Variants in UNC13C observed in about 807,000 individuals in gnomAD.
UNC13C encodes protein unc-13 homolog C.
A neutral mutation model predicts 245.4 loss-of-function variants in UNC13C; 174 were observed. The observed-to-expected ratio is 0.71, with a 90% CI of 0.63 to 0.80. The LOEUF (loss-of-function observed/expected upper bound fraction) is 0.80, where lower values mean the gene tolerates loss of function less well. Among genes scored for constraint, UNC13C ranks in the 30% least tolerant of loss-of-function variants. UNC13C has a pLI of 0.00. For synonymous variants in UNC13C, 992 were observed against 895.1 expected (o/e 1.11, Z -1.93); for missense variants, 2,829 against 2,602.9 (o/e 1.09, Z -1.89).
At chr15:54,629,875 G>A (rs1335257000), downstream of UNC13C, 1 of 152,132 alleles carries the variant, frequency 6.6e-6, no homozygotes, top group Non-Finnish European at 1.5e-5. Flanking sequence ...TAGTGGCAGG[G>A]TGAATTAAGT....
chr15:54,104,450 T>G (rs896475344), intron 2 of UNC13C, among the ~76,000 whole-genome samples: 7 of 152,162 alleles, frequency 4.6e-5, no homozygotes, highest in African/African-American at 1.7e-4. Flanking sequence ...TCTTTGGATT[T>G]CCTTTAAGAT....
chr15:54,142,894 C>G (rs963786113), intron 2 of UNC13C, 124 bp from the exon 3 acceptor site: 1 of 854,798 alleles, frequency 1.2e-6, no homozygotes, highest in East Asian at 2.5e-5. Context: ...AACCTTGAAA[C>G]TCTGTTTATT....
intron 2 of UNC13C, 55 bp downstream of exon 2, chr15:54,015,941 C>A: frequency 7.2e-7 from 1 of 1,395,998 alleles, no homozygotes. Flanking sequence ...CATTGGGTAG[C>A]ACTTCTTTAG....
intron 11 of UNC13C, among the ~76,000 whole-genome samples, chr15:54,295,680 C>CAAAAA (rs34686235): frequency 9.2e-4 from 138 of 149,536 alleles, no homozygotes; most frequent in Middle Eastern, 6.9e-3. Context: ...AGAAGAAGAA[C>CAAAAA]AAAAAGAAAA....
chr15:53,977,533 A>C (rs1204648941), upstream of UNC13C, among the ~76,000 whole-genome samples: 6 of 152,206 alleles, frequency 3.9e-5, no homozygotes, highest in Admixed American at 1.3e-4. Context: ...TCCTGGAAAT[A>C]TCCTTCCATT....
intron 18 of UNC13C, among the ~76,000 whole-genome samples, 170 bp from the exon 19 acceptor site, chr15:54,414,812 G>C (rs989740764): frequency 6.6e-6 from 1 of 151,772 alleles, no homozygotes; most frequent in South Asian, 2.1e-4. Flanking sequence ...TTAAACTCTA[G>C]TGTGTAACAT....
intron 2 of UNC13C, among the ~76,000 whole-genome samples, chr15:54,071,499 G>A (rs1365754592): frequency 6.6e-6 from 1 of 152,026 alleles, no homozygotes. Flanking sequence ...TTTCAAGCAT[G>A]CAGAGGTACC....
chr15:54,370,168 G>A (rs2039457907), intron 17 of UNC13C, among the ~76,000 whole-genome samples: 1 of 152,060 alleles, frequency 6.6e-6, no homozygotes, highest in Non-Finnish European at 1.5e-5. Context: ...CAGATAGGGG[G>A]AAAAAGACAA....
chr15:54,257,282 C>A (rs2036304114), intron 8 of UNC13C, among the ~76,000 whole-genome samples: 1 of 152,088 alleles, frequency 6.6e-6, no homozygotes, highest in Non-Finnish European at 1.5e-5. Context: ...CATTTTGAAT[C>A]ATAATTAATT....
chr15:54,084,302 G>A (rs1899119383), intron 2 of UNC13C, among the ~76,000 whole-genome samples: 1 of 152,190 alleles, frequency 6.6e-6, no homozygotes, highest in South Asian at 2.1e-4. Flanking sequence ...AGTTCCTCGT[G>A]TATAACGGAG....
intron 30 of UNC13C, among the ~76,000 whole-genome samples, chr15:54,587,702 G>A (rs1306970801): frequency 6.6e-6 from 1 of 152,118 alleles, no homozygotes; most frequent in African/African-American, 2.4e-5. Flanking sequence ...AAGGCCAGGT[G>A]AGAATGAGCC....
At chr15:53,946,442 C>CTT in the UNC13C span, among the ~76,000 whole-genome samples, 9 of 68,984 alleles carry the variant, frequency 1.3e-4, 2 homozygotes, top group African/African-American at 1.8e-4. Context: ...CTGAGGTGTT[C>CTT]TTTTTTTTGT....
Position 54,016,363 on chromosome 15 carries a change from A to C in UNC13C, c.2983+477A>C, listed in dbSNP as rs375300437. Among the ~76,000 whole-genome samples the C allele has an allele frequency of 5.9e-5, 9 of 152,220 alleles. No homozygotes were observed. The South Asian group carries it at 1.9e-3, about 32-fold the overall frequency. On this transcript the variant is annotated intron_variant, in intron 2 of 32. Transcript: ENST00000260323. ...TAACCACTCATTTTCCTATCCATTC[A>C]ACAATTTAGGGGTTGCCCATAGGAA...
intron 2 of UNC13C, 44 bp downstream of exon 2, chr15:54,015,930 A>C: frequency 6.9e-7 from 1 of 1,450,876 alleles, no homozygotes; most frequent in Non-Finnish European, 9.2e-7. Context: ...TTGTGTTTTA[A>C]CATTGGGTAG....
intron 7 of UNC13C, among the ~76,000 whole-genome samples, chr15:54,238,326 G>A (rs1020437431): frequency 2.0e-5 from 3 of 152,048 alleles, no homozygotes; most frequent in African/African-American, 7.2e-5. Flanking sequence ...GCCTGCCTTG[G>A]CCTCCCAAAG....
intron 1 of UNC13C, among the ~76,000 whole-genome samples, chr15:53,996,200 C>T (rs1255049855): frequency 1.3e-5 from 2 of 152,156 alleles, no homozygotes; most frequent in Non-Finnish European, 2.9e-5. Context: ...AGCAAACATA[C>T]AGTACTGAAA....
chr15:54,278,644 T>G (rs1333448816), intron 10 of UNC13C, among the ~76,000 whole-genome samples: 1 of 152,186 alleles, frequency 6.6e-6, no homozygotes, highest in Admixed American at 6.5e-5. Flanking sequence ...GTGAATGCAC[T>G]AGTTATTTTT....
the UNC13C span, among the ~76,000 whole-genome samples, chr15:53,876,880 A>T: frequency 1.3e-5 from 2 of 152,364 alleles, 1 homozygote; most frequent in South Asian, 4.1e-4. Flanking sequence ...CTTTCCAGAG[A>T]TAACTATTGT....
At chr15:54,562,655 C>A (rs956006824) in intron 29 of UNC13C, among the ~76,000 whole-genome samples, 1 of 152,022 alleles carries the variant, frequency 6.6e-6, no homozygotes, top group Admixed American at 6.6e-5. Flanking sequence ...TCCTTCTGTT[C>A]TTTGGAACTA....
Sources: gnomAD v4.1 joint callset for allele counts (sites outside exome capture counted in the v4.1 genomes callset) on GRCh38, gnomAD v4.1.1 for gene constraint, MANE v1.5 for transcripts, NCBI Gene and HGNC (gene_info 2026-07-23, HGNC 2026-07-21) for gene names.